Variants in SAMD5 observed in about 807,000 individuals in gnomAD.
SAMD5 encodes sterile alpha motif domain containing 5.
SAMD5 carries 13 observed loss-of-function variants against 11.3 expected under a neutral mutation model. That is an observed-to-expected ratio of 1.15 (90% CI 0.75 to 1.83). SAMD5 has a LOEUF of 1.83. Among genes scored for constraint, SAMD5 ranks in the 40% most tolerant of loss-of-function variants. The pLI is 0.00. For missense variants in SAMD5, 255 were observed against 239.1 expected (o/e 1.07, Z -0.44); for synonymous variants, 129 against 111.3 (o/e 1.16, Z -1.00).
At chr6:147,828,795 T>C in the SAMD5 span, among the ~76,000 whole-genome samples, 1 of 152,208 alleles carries the variant, frequency 6.6e-6, no homozygotes. Context: ...CAGCAGAGTT[T>C]GGCCACACCT....
chr6:147,508,941 A>G lies in SAMD5; in HGVS notation c.13A>G (p.Ile5Val), dbSNP rs1269509789. 2.5e-6 allele frequency: 4 copies of G among 1,594,662 alleles called. No homozygotes were observed. The Middle Eastern group carries it at 5.0e-4, about 199-fold the overall frequency. The change falls in exon 1 of 2, where the codon ATA becomes GTA. Residue 5 changes from isoleucine (I) to valine (V), a missense_variant. Ile to Val is a conservative substitution (Grantham distance 29). Coordinates refer to ENST00000367474, the MANE Select transcript of SAMD5 (RefSeq NM_001030060.3). ...TCCCGGTCCCACCATGTGCACCAAC[A>G]TAGTTTACGAGTGGCTCAAAGCGCT... MCTN[I>V]VYEWLKALQL...
intron 1 of SAMD5, among the ~76,000 whole-genome samples, chr6:147,546,703 A>G (rs945455170): frequency 6.6e-6 from 1 of 152,180 alleles, no homozygotes; most frequent in Non-Finnish European, 1.5e-5. Context: ...TTAGATGAAT[A>G]CAGAGTTTTG....
At chr6:147,620,316 T>C (rs1200211944) in intron 1 of SAMD5, among the ~76,000 whole-genome samples, 1 of 152,194 alleles carries the variant, frequency 6.6e-6, no homozygotes, top group East Asian at 1.9e-4. Flanking sequence ...TCACAGATTC[T>C]GGCCCCAGCC....
the SAMD5 span, among the ~76,000 whole-genome samples, chr6:147,884,425 T>C: frequency 6.6e-6 from 1 of 152,194 alleles, no homozygotes; most frequent in Non-Finnish European, 1.5e-5. Flanking sequence ...GTTTTCAAGT[T>C]CTGAAAGCTA....
intron 1 of SAMD5, among the ~76,000 whole-genome samples, chr6:147,586,247 G>C (rs909400626): frequency 6.6e-6 from 1 of 152,118 alleles, no homozygotes. Flanking sequence ...TCAATTACGG[G>C]CAAACTGCCT....
the SAMD5 span, among the ~76,000 whole-genome samples, chr6:147,889,324 TTGGGTCTTTTTA>T: frequency 6.6e-6 from 1 of 152,202 alleles, no homozygotes; most frequent in Non-Finnish European, 1.5e-5. Context: ...GAAGTTTTAT[TTGGGTCTTTTTA>T]ATATCCTCCC....
At chr6:147,834,642 C>T in the SAMD5 span, among the ~76,000 whole-genome samples, 1,898 of 152,250 alleles carry the variant, frequency 0.012, 33 homozygotes, top group South Asian at 0.039. Context: ...TGCCCTAGTC[C>T]GGGCTTACCA....
intron 1 of SAMD5, among the ~76,000 whole-genome samples, chr6:147,726,228 C>G (rs187861515): frequency 6.6e-6 from 1 of 152,184 alleles, no homozygotes; most frequent in Non-Finnish European, 1.5e-5. Context: ...CACCCACCCC[C>G]GTTCCTCCTT....
chr6:147,895,301 G>T, the SAMD5 span, among the ~76,000 whole-genome samples: 1 of 152,074 alleles, frequency 6.6e-6, no homozygotes, highest in Admixed American at 6.5e-5. Flanking sequence ...TTGTTACAGT[G>T]CTCCAAAAAT....
the SAMD5 span, among the ~76,000 whole-genome samples, chr6:147,861,923 G>C: frequency 1.3e-5 from 2 of 152,130 alleles, no homozygotes; most frequent in South Asian, 4.1e-4. Context: ...TGAGCATAGC[G>C]CCTTGCACAT....
At chr6:147,889,276 C>A in the SAMD5 span, among the ~76,000 whole-genome samples, 12 of 152,158 alleles carry the variant, frequency 7.9e-5, no homozygotes, top group Non-Finnish European at 1.8e-4. Flanking sequence ...AACCCATCCA[C>A]TGTATTTTTA....
chr6:147,742,886 CTTG>C, the SAMD5 span, among the ~76,000 whole-genome samples: 2 of 152,062 alleles, frequency 1.3e-5, no homozygotes, highest in African/African-American at 2.4e-5. Context: ...ATTAATTTTA[CTTG>C]TTGTACATAG....
chr6:147,539,376 G>T (rs968879305), intron 1 of SAMD5, among the ~76,000 whole-genome samples: 2 of 152,162 alleles, frequency 1.3e-5, no homozygotes, highest in Admixed American at 1.3e-4. Flanking sequence ...AAAGAGTCAA[G>T]TATCCCTCCA....
the SAMD5 span, among the ~76,000 whole-genome samples, chr6:147,803,952 C>T: frequency 6.6e-6 from 1 of 152,176 alleles, no homozygotes; most frequent in African/African-American, 2.4e-5. Context: ...CTCCTTCTCG[C>T]CTTGCAGACT....
chr6:147,829,704 T>C, the SAMD5 span, among the ~76,000 whole-genome samples: 1 of 152,096 alleles, frequency 6.6e-6, no homozygotes, highest in Non-Finnish European at 1.5e-5. Flanking sequence ...CCAGGTGTTC[T>C]CCAGGTGGAT....
At chr6:147,856,791 G>T in the SAMD5 span, among the ~76,000 whole-genome samples, 1 of 140,938 alleles carries the variant, frequency 7.1e-6, no homozygotes, top group Non-Finnish European at 1.5e-5. Context: ...ATCCACCCAC[G>T]TGGCTTAATG....
chr6:147,880,389 A>G, the SAMD5 span, among the ~76,000 whole-genome samples: 2 of 152,044 alleles, frequency 1.3e-5, no homozygotes, highest in Non-Finnish European at 2.9e-5. Flanking sequence ...ACATACACAC[A>G]CAAACACAGA....
At chr6:147,929,139 T>C in the SAMD5 span, among the ~76,000 whole-genome samples, 1 of 152,200 alleles carries the variant, frequency 6.6e-6, no homozygotes. Flanking sequence ...AACCACACTG[T>C]CCTGGTTCCA....
At chr6:147,832,150 A>G in the SAMD5 span, among the ~76,000 whole-genome samples, 1 of 152,180 alleles carries the variant, frequency 6.6e-6, no homozygotes, top group East Asian at 1.9e-4. Context: ...GTTGCTATTA[A>G]ATGCCTGTGG....
Sources: allele counts gnomAD v4.1 joint callset (sites outside exome capture counted in the v4.1 genomes callset), GRCh38; gene constraint gnomAD v4.1.1; transcripts MANE v1.5; gene names NCBI Gene and HGNC (gene_info 2026-07-23, HGNC 2026-07-21).